Variants in SLC10A7 observed in about 807,000 individuals in gnomAD.
SLC10A7 encodes the protein sodium/bile acid cotransporter 7.
SLC10A7 carries 29 observed loss-of-function variants against 43.2 expected under a neutral mutation model. That is an observed-to-expected ratio of 0.67 (90% CI 0.50 to 0.92). The LOEUF is 0.92. Ranked by LOEUF, SLC10A7 falls within the 40% of genes least tolerant of loss-of-function variation. The pLI is 0.00. For missense variants in SLC10A7, 295 were observed against 403.2 expected, an observed-to-expected ratio of 0.73 and a Z score of 2.30; for synonymous variants, 152 against 144.8, an observed-to-expected ratio of 1.05 and a Z score of -0.35.
At chr4:146,415,579 T>A (rs1254103747) in intron 5 of SLC10A7, among the ~76,000 whole-genome samples, 1 of 152,172 alleles carries the variant, frequency 6.6e-6, no homozygotes, top group Non-Finnish European at 1.5e-5. Flanking sequence ...CATTGGAAAT[T>A]CAGTCTCAGC....
At chr4:146,420,780 T>C (rs1728907161) in intron 5 of SLC10A7, among the ~76,000 whole-genome samples, 1 of 152,048 alleles carries the variant, frequency 6.6e-6, no homozygotes, top group South Asian at 2.1e-4. Context: ...ATCCCAGCAC[T>C]TTGAGGGGCT....
chr4:146,315,114 T>C (rs1340872952), intron 6 of SLC10A7, among the ~76,000 whole-genome samples: 2 of 152,076 alleles, frequency 1.3e-5, no homozygotes, highest in African/African-American at 4.8e-5. Context: ...GGTAGTCATA[T>C]GGAGACTGCA....
chr4:146,283,256 C>T lies in SLC10A7; in HGVS notation c.783G>A (p.Ser261=), dbSNP rs561425818. The T allele has an allele frequency of 1.2e-5, 19 of 1,612,820 alleles. No individual in the cohort carries two copies. Among genetic ancestry groups the T allele is most frequent in the Admixed American group, 6.7e-5 (4 of 59,966 alleles). ...CCACTGTGTCTGCTGGTGTGAAACC[C>T]GAATTATTCCTAGGGGCAAAAAAAG... The part of the protein sequence containing the change: ...LTFIFSTRNN[S]GFTPADTVAI... The change falls in exon 10 of 12, where the codon TCG becomes TCA. Residue 261 remains serine, a synonymous_variant. Coordinates refer to ENST00000335472, the MANE Select transcript of SLC10A7 (RefSeq NM_001029998.6).
intron 4 of SLC10A7, among the ~76,000 whole-genome samples, chr4:146,454,354 T>C (rs1731866081): frequency 6.6e-6 from 1 of 151,826 alleles, no homozygotes; most frequent in African/African-American, 2.4e-5. Flanking sequence ...GGAGAGGCCA[T>C]TAAATACTAT....
intron 5 of SLC10A7, among the ~76,000 whole-genome samples, chr4:146,389,185 G>A (rs1738237077): frequency 6.6e-6 from 1 of 152,152 alleles, no homozygotes; most frequent in Non-Finnish European, 1.5e-5. Flanking sequence ...GAAGGAGGGT[G>A]AGGGTTGAAA....
At chr4:146,346,859 T>G (rs1283772502) in intron 5 of SLC10A7, among the ~76,000 whole-genome samples, 2 of 152,158 alleles carry the variant, frequency 1.3e-5, no homozygotes, top group African/African-American at 4.8e-5. Flanking sequence ...AGGATCTTTG[T>G]GATTTCATTC....
At chr4:146,271,994 C>T (rs759597503) in intron 10 of SLC10A7, among the ~76,000 whole-genome samples, 2 of 152,174 alleles carry the variant, frequency 1.3e-5, no homozygotes, top group Non-Finnish European at 2.9e-5. Context: ...TTGCTTACCA[C>T]CATCTGATGT....
intron 5 of SLC10A7, among the ~76,000 whole-genome samples, chr4:146,436,035 AATCATTG>A (rs1730183299): frequency 6.6e-6 from 1 of 151,990 alleles, no homozygotes; most frequent in Admixed American, 6.6e-5. Flanking sequence ...ATGGTAATGA[AATCATTG>A]CTTTAAAAAA....
intron 2 of SLC10A7, among the ~76,000 whole-genome samples, chr4:146,513,517 A>G (rs1228023489): frequency 6.6e-6 from 1 of 152,208 alleles, no homozygotes; most frequent in Non-Finnish European, 1.5e-5. Context: ...TACAACAGAA[A>G]CAAGTTATAA....
In SLC10A7 at chr4:146,347,042, A is replaced by G. The variant is rs1734671279; in HGVS notation, c.436-21046T>C. Among the ~76,000 whole-genome samples the G allele has an allele frequency of 2.6e-5, 4 of 152,160 alleles. No homozygotes were observed. The South Asian group carries it at 8.3e-4, about 32-fold the overall frequency. ...AAGGAAAGGCTGCTTACCTCACCCA[A>G]CTGAGCGAGGGGTTTCAAAAGATGT... is the stretch of plus-strand genomic sequence containing the variant. On this transcript the variant is annotated intron_variant, in intron 5 of 11. Coordinates refer to ENST00000335472, the MANE Select transcript of SLC10A7 (RefSeq NM_001029998.6).
At chr4:146,484,483 T>A (rs1734749987) in intron 4 of SLC10A7, among the ~76,000 whole-genome samples, 1 of 152,156 alleles carries the variant, frequency 6.6e-6, no homozygotes, top group Non-Finnish European at 1.5e-5. Flanking sequence ...CACTTATATA[T>A]GAAATCTAAA....
intron 5 of SLC10A7, among the ~76,000 whole-genome samples, chr4:146,415,383 T>C (rs548481406): frequency 1.3e-5 from 2 of 152,342 alleles, no homozygotes; most frequent in African/African-American, 2.4e-5. Flanking sequence ...GCAAAAATAA[T>C]AACTGCTAAT....
At chr4:146,446,295 G>A (rs540898997) in intron 4 of SLC10A7, among the ~76,000 whole-genome samples, 2 of 152,226 alleles carry the variant, frequency 1.3e-5, no homozygotes, top group East Asian at 3.9e-4. Flanking sequence ...TGAAATGACT[G>A]GCTGGGCATG....
At chr4:146,265,975 G>A (rs1728526553) in intron 10 of SLC10A7, among the ~76,000 whole-genome samples, 1 of 152,206 alleles carries the variant, frequency 6.6e-6, no homozygotes, top group Admixed American at 6.5e-5. Flanking sequence ...CACTTAGCAT[G>A]AGATAGTATA....
At chr4:146,416,899 C>T (rs1348736133) in intron 5 of SLC10A7, among the ~76,000 whole-genome samples, 2 of 152,078 alleles carry the variant, frequency 1.3e-5, no homozygotes, top group Non-Finnish European at 2.9e-5. Flanking sequence ...CCCAAATATC[C>T]CCATGGCTTG....
At chr4:146,395,969 A>C (rs778062611) in intron 5 of SLC10A7, among the ~76,000 whole-genome samples, 3 of 152,158 alleles carry the variant, frequency 2.0e-5, no homozygotes, top group Non-Finnish European at 2.9e-5. Flanking sequence ...GACACTGATC[A>C]TTCTTCTTTC....
chr4:146,393,819 T>C (rs1366612294), intron 5 of SLC10A7, among the ~76,000 whole-genome samples: 1 of 151,720 alleles, frequency 6.6e-6, no homozygotes, highest in Non-Finnish European at 1.5e-5. Context: ...TGTATGAAAC[T>C]AGTCTTTAGG....
At chr4:146,323,661 C>T (rs924433788) in intron 6 of SLC10A7, among the ~76,000 whole-genome samples, 3 of 152,086 alleles carry the variant, frequency 2.0e-5, no homozygotes, top group Admixed American at 2.0e-4. Context: ...TAGCGTGATG[C>T]CTCCAGCTTT....
intron 5 of SLC10A7, among the ~76,000 whole-genome samples, chr4:146,411,699 C>T (rs1728206024): frequency 6.6e-6 from 1 of 152,010 alleles, no homozygotes; most frequent in African/African-American, 2.4e-5. Flanking sequence ...TCACATTCGT[C>T]TTTAGTGTTT....
Sources: gnomAD v4.1 joint callset for allele counts (sites outside exome capture counted in the v4.1 genomes callset) on GRCh38, gnomAD v4.1.1 for gene constraint, MANE v1.5 for transcripts, NCBI Gene and HGNC (gene_info 2026-07-23, HGNC 2026-07-21) for gene names.